Variants in ADPGK observed in about 807,000 individuals in gnomAD.
The protein encoded by ADPGK is ADP dependent glucokinase.
ADPGK carries 26 observed loss-of-function variants against 42.4 expected under a neutral mutation model. That is an observed-to-expected ratio of 0.61 (90% CI 0.45 to 0.85). The LOEUF is 0.85. ADPGK is among the 40% of genes least tolerant of loss of function. ADPGK has a pLI of 0.00. For missense variants in ADPGK, 571 were observed against 627.0 expected (o/e 0.91, Z 0.95); for synonymous variants, 267 against 252.6 (o/e 1.06, Z -0.54).
chr15:72,751,597 G>C lies in ADPGK; in HGVS notation c.*744C>G, dbSNP rs1004687021. On this transcript the variant is annotated 3_prime_UTR_variant, in exon 7 of 7. Transcript: ENST00000456471. ...GAAGGCTCAGAACGAACAAAAATCA[G>C]TCTTTATGGCAGAAAGCACATCCAA... The C allele has an allele frequency of 2.0e-5, 3 of 152,618 alleles. No individual in the cohort carries two copies. Among genetic ancestry groups the C allele is most frequent in the African/African-American group, 7.2e-5 (3 of 41,442 alleles). The allele number at this position is 152,618 out of a possible 1,614,324, so 9.5% of individuals were successfully genotyped here. A position where few individuals can be genotyped will look rare whatever the true frequency, so the allele number is the denominator to read the frequency against.
intron 3 of ADPGK, among the ~76,000 whole-genome samples, chr15:72,766,797 G>T (rs985341529): frequency 7.9e-5 from 12 of 151,908 alleles, no homozygotes; most frequent in African/African-American, 2.4e-4. Context: ...AAGAAAAAAA[G>T]AATTATACCT....
intron 3 of ADPGK, among the ~76,000 whole-genome samples, chr15:72,768,518 A>T (rs2066287143): frequency 6.6e-6 from 1 of 152,096 alleles, no homozygotes; most frequent in African/African-American, 2.4e-5. Context: ...AAATACAAAA[A>T]TTAGCTGGGC....
In ADPGK at chr15:72,752,834, T is replaced by C. The variant is rs377071353; in HGVS notation, c.1001A>G (p.Gln334Arg). The C allele has an allele frequency of 3.3e-5, 54 of 1,614,092 alleles. No individual in the cohort carries two copies. Among genetic ancestry groups the C allele is most frequent in the Admixed American group, 5.0e-5 (3 of 59,990 alleles). The change falls in exon 7 of 7, where the codon CAG becomes CGG. Residue 334 changes from glutamine to arginine, a missense_variant. This residue lies in a region of ADPGK where 434 missense variants were observed against 522.7 expected (regional missense o/e 0.83). Transcript: ENST00000456471. ...LNEQELLFLT[Q>R]SASGPHSSLS... is the part of the protein sequence containing the mutation. Reference sequence around the variant, plus strand: ...AGAAGAGTGAGGTCCAGAGGCTGACTGGGTGAGAAATAACAGCTCCTGTTC... The same window carrying C: ...AGAAGAGTGAGGTCCAGAGGCTGACCGGGTGAGAAATAACAGCTCCTGTTC...
At chr15:72,758,198 G>T (rs775022831) in intron 4 of ADPGK, 8 of 1,432,466 alleles carry the variant, frequency 5.6e-6, no homozygotes, top group Non-Finnish European at 7.9e-6. Context: ...GGCCCCGTTG[G>T]AGAGGCCATG....
Position 72,775,080 on chromosome 15 carries a change from T to G in ADPGK, c.251A>C (p.Asp84Ala). Residue 84 changes from aspartate to alanine, a missense_variant, in exon 2 of 7, where the codon GAT (aspartate) becomes GCT (alanine). Coordinates refer to ENST00000456471, the MANE Select transcript of ADPGK (RefSeq NM_001365225.1). ...GAGCTTCACCCCTGAGAGCACCACATCAACACATGCATTGACTCTAGAAGG... is the reference window on the plus strand; with the variant it reads ...GAGCTTCACCCCTGAGAGCACCACAGCAACACATGCATTGACTCTAGAAGG... Reference protein sequence around the residue: ...RVAVGVNACVDVVLSGVKLLQ... With the variant: ...RVAVGVNACVAVVLSGVKLLQ... 6.2e-7 allele frequency: 1 copy of G among 1,614,004 alleles called. No individual in the cohort carries two copies. The highest frequency in any genetic ancestry group is 1.1e-5 in the South Asian group (1 of 91,074).
rs2066048503 is a variant in ADPGK, at chr15:72,751,758, G to A, written c.*583C>T. 1 of 153,198 alleles carries A rather than the reference G, an allele frequency of 6.5e-6. No individual in the cohort carries two copies. Among genetic ancestry groups the A allele is most frequent in the Non-Finnish European group, 1.5e-5 (1 of 68,860 alleles). 9.5% of individuals were successfully genotyped at this position (153,198 alleles called of 1,614,324 possible). A position where few individuals can be genotyped will look rare whatever the true frequency, so the allele number is the denominator to read the frequency against. On this transcript the variant is annotated 3_prime_UTR_variant, in exon 7 of 7. Coordinates refer to ENST00000456471, the MANE Select transcript of ADPGK (RefSeq NM_001365225.1). ...GCTTCCAGACAACTGCAGAATGAAA[G>A]AGTCCCTCAGAGGCTCCCCAGCCCC... is the stretch of plus-strand genomic sequence containing the variant.
intron 3 of ADPGK, 61 bp downstream of exon 3, chr15:72,771,722 C>A: frequency 1.4e-6 from 2 of 1,464,790 alleles, no homozygotes; most frequent in South Asian, 1.2e-5. Flanking sequence ...CTCATTCTTG[C>A]TCCTAAAATT....
At chr15:72,782,873 C>T (rs949649501) in intron 1 of ADPGK, 1 of 152,180 alleles carries the variant, frequency 6.6e-6, no homozygotes, top group African/African-American at 2.4e-5. Flanking sequence ...TTTGGAAGAA[C>T]CTTAAATATG....
chr15:72,760,565 TTCCTTTCCCC>T (rs753124793), intron 3 of ADPGK, 38 bp from the exon 4 acceptor site: 3 of 1,576,766 alleles, frequency 1.9e-6, no homozygotes, highest in Non-Finnish European at 2.6e-6. Context: ...AGGAGCCCCG[TTCCTTTCCCC>T]ACAGAACCTC....
In ADPGK at chr15:72,752,015, AG is replaced by A. The variant is rs1350516992; in HGVS notation, c.*325del. On this transcript the variant is annotated 3_prime_UTR_variant, in exon 7 of 7. Transcript: ENST00000456471. ...TGGGCGTGCACTTCTCAAGTGGGCAAGGAAGAACTGCTTTTCTCCAGCTGAC... is the reference window on the plus strand; with the variant it reads ...TGGGCGTGCACTTCTCAAGTGGGCAAGAAGAACTGCTTTTCTCCAGCTGAC... 3.5e-6 allele frequency: 1 copy of A among 283,884 alleles called. No homozygotes were observed. The highest frequency in any genetic ancestry group is 6.7e-6 in the Non-Finnish European group (1 of 149,470). The allele number at this position is 283,884 out of a possible 1,614,324, so 17.6% of individuals were successfully genotyped here. A position where few individuals can be genotyped will look rare whatever the true frequency, so the allele number is the denominator to read the frequency against.
chr15:72,763,213 G>A (rs1359827548), intron 3 of ADPGK, among the ~76,000 whole-genome samples: 7 of 151,816 alleles, frequency 4.6e-5, no homozygotes, highest in Admixed American at 1.3e-4. Flanking sequence ...GTGCAGTGGC[G>A]TGATCTTGGC....
At position 72,751,704 on chromosome 15, in the gene ADPGK, A is replaced by G. The variant is rs180860041; in HGVS notation, c.*637T>C. The stretch of plus-strand genomic sequence containing the variant: ...ACCTATGGAGCCAGGACAGGAAAGC[A>G]TGATCCTTCAGCTCATGACGCCACC... On this transcript the variant is annotated 3_prime_UTR_variant, in exon 7 of 7. Transcript: ENST00000456471. 1 of 153,030 alleles carries G rather than the reference A, an allele frequency of 6.5e-6. No homozygotes were observed. The highest frequency in any genetic ancestry group is 1.9e-4 in the East Asian group (1 of 5,190). 9.5% of individuals were successfully genotyped at this position (153,030 alleles called of 1,614,324 possible). A position where few individuals can be genotyped will look rare whatever the true frequency, so the allele number is the denominator to read the frequency against.
At chr15:72,775,271 G>A in intron 1 of ADPGK, 174 bp from the exon 2 acceptor site, 2 of 606,082 alleles carry the variant, frequency 3.3e-6, no homozygotes, top group Non-Finnish European at 5.8e-6. Flanking sequence ...TACTTTAACT[G>A]GATTTATGTA....
At chr15:72,777,853 A>G (rs2066408486) in intron 1 of ADPGK, among the ~76,000 whole-genome samples, 1 of 152,206 alleles carries the variant, frequency 6.6e-6, no homozygotes, top group Non-Finnish European at 1.5e-5. Flanking sequence ...TATCACTATC[A>G]TGGAACATTT....
chr15:72,761,131 A>G (rs1278905425), intron 3 of ADPGK, among the ~76,000 whole-genome samples: 1 of 152,194 alleles, frequency 6.6e-6, no homozygotes, highest in Non-Finnish European at 1.5e-5. Flanking sequence ...GGGGCTTTCC[A>G]GTCTCCACTG....
intron 1 of ADPGK, among the ~76,000 whole-genome samples, chr15:72,775,321 C>T (rs2066378664): frequency 6.6e-6 from 1 of 152,190 alleles, no homozygotes; most frequent in African/African-American, 2.4e-5. Flanking sequence ...ATTTGGCAAA[C>T]TTTTACACTA....
Position 72,752,179 on chromosome 15 carries a change from T to G in ADPGK, c.*162A>C. The G allele has an allele frequency of 1.3e-6, 1 of 761,966 alleles. No individual in the cohort carries two copies. Among genetic ancestry groups the G allele is most frequent in the Non-Finnish European group, 2.0e-6 (1 of 492,862 alleles). 47.2% of individuals were successfully genotyped at this position (761,966 alleles called of 1,614,324 possible). A position where few individuals can be genotyped will look rare whatever the true frequency, so the allele number is the denominator to read the frequency against. On this transcript the variant is annotated 3_prime_UTR_variant, in exon 7 of 7. Transcript: ENST00000456471. ...CCAGTCTCATTAGCTAAATTCGGATTAAAATCTGAAATGTTTTTATGGAGT... is the reference window on the plus strand; with the variant it reads ...CCAGTCTCATTAGCTAAATTCGGATGAAAATCTGAAATGTTTTTATGGAGT...
At position 72,756,331 on chromosome 15, in the gene ADPGK, G is replaced by C. The variant is rs1196949647; in HGVS notation, c.760C>G (p.Gln254Glu). The C allele has an allele frequency of 1.2e-6, 2 of 1,614,106 alleles. No individual in the cohort carries two copies. The highest frequency in any genetic ancestry group is 1.1e-5 in the South Asian group (1 of 91,092). ...EVFVSSLEEF[Q>E]PDLVVLSGLH... Reference sequence around the variant, plus strand: ...CCAGAGAGGACCACCAGGTCTGGCTGAAACTCCTCCAGGCTAGACACAAAC... The same window carrying C: ...CCAGAGAGGACCACCAGGTCTGGCTCAAACTCCTCCAGGCTAGACACAAAC... Residue 254 changes from glutamine (Q) to glutamate (E), a missense_variant, in exon 5 of 7, where the codon CAG (glutamine) becomes GAG (glutamate). By Grantham distance (29) the Gln-to-Glu change is conservative. This residue lies in a region of ADPGK where 434 missense variants were observed against 522.7 expected (regional missense o/e 0.83). Coordinates refer to ENST00000456471, the MANE Select transcript of ADPGK (RefSeq NM_001365225.1).
chr15:72,753,067 A>G (rs1324855142), intron 6 of ADPGK, among the ~76,000 whole-genome samples, 172 bp from the exon 7 acceptor site: 1 of 152,138 alleles, frequency 6.6e-6, no homozygotes, highest in Non-Finnish European at 1.5e-5. Context: ...CCCTATCTTC[A>G]CCTTCATCAT....
Sources: gnomAD v4.1 joint callset for allele counts (sites outside exome capture counted in the v4.1 genomes callset) on GRCh38, gnomAD v4.1.1 for gene constraint, gnomAD v4.1.1 regional missense constraint, MANE v1.5 for transcripts, NCBI Gene and HGNC (gene_info 2026-07-23, HGNC 2026-07-21) for gene names.